Variants in ZDHHC11B observed in about 807,000 individuals in gnomAD.
ZDHHC11B encodes probable palmitoyltransferase ZDHHC11B.
A neutral mutation model predicts 42.3 loss-of-function variants in ZDHHC11B; 17 were observed. The observed-to-expected ratio is 0.40, with a 90% CI of 0.27 to 0.60. ZDHHC11B has a LOEUF of 0.60. ZDHHC11B is among the 20% of genes least tolerant of loss of function. The pLI is 0.41. For missense variants in ZDHHC11B, 262 were observed against 463.2 expected, an observed-to-expected ratio of 0.57 and a Z score of 3.99; for synonymous variants, 123 against 193.5, an observed-to-expected ratio of 0.64 and a Z score of 3.02.
In ZDHHC11B at chr5:766,734, G is replaced by T. The variant is rs754567912; in HGVS notation, c.186C>A (p.Pro62=). 2 of 1,611,798 alleles carry T rather than the reference G, an allele frequency of 1.2e-6. No homozygotes were observed. The highest frequency in any genetic ancestry group is 2.2e-5 in the South Asian group (2 of 90,814). Residue 62 remains proline, a synonymous_variant, in exon 4 of 14, where the codon CCC becomes CCA. Transcript: ENST00000508859. Reference sequence around the variant, plus strand: ...TGTATTTCCACGAGTGAGGCAGGAGGGGAATGAAGATCCTGAAGGTGGCCA... The same window carrying T: ...TGTATTTCCACGAGTGAGGCAGGAGTGGAATGAAGATCCTGAAGGTGGCCA... ...LSLATFRIFI[P]LLPHSWKYIA...
chr5:754,334 A>ACACCTCTCATCT (rs1163211096), intron 6 of ZDHHC11B, among the ~76,000 whole-genome samples: 2 of 120,216 alleles, frequency 1.7e-5, no homozygotes, highest in Non-Finnish European at 3.6e-5. Flanking sequence ...CTCAGGGGAA[A>ACACCTCTCATCT]GACCTCTCAT....
In ZDHHC11B at chr5:729,368, C is replaced by A. The variant is rs185035336; in HGVS notation, c.1058+1066G>T. Among the ~76,000 whole-genome samples the A allele has an allele frequency of 2.5e-3, 380 of 151,298 alleles. 4 individuals are homozygous for A. The highest frequency in any genetic ancestry group is 4.0e-3 in the Non-Finnish European group (268 of 67,750). On this transcript the variant is annotated intron_variant, in intron 12 of 13. Coordinates refer to ENST00000508859, the MANE Select transcript of ZDHHC11B (RefSeq NM_001351303.2). The stretch of plus-strand genomic sequence containing the variant: ...AGGTCCTAGGCCAGGACGGCTGCAG[C>A]TGCTGTGTGCCCAGAGAGCACGGGG...
intron 6 of ZDHHC11B, among the ~76,000 whole-genome samples, chr5:752,990 C>T (rs1745976962): frequency 3.3e-5 from 2 of 61,340 alleles, no homozygotes; most frequent in African/African-American, 1.2e-4. Context: ...CGCGGGGCCT[C>T]CTCTCCCCGC....
intron 7 of ZDHHC11B, among the ~76,000 whole-genome samples, chr5:748,778 G>A (rs1407288844): frequency 7.7e-6 from 1 of 129,440 alleles, no homozygotes; most frequent in African/African-American, 2.5e-5. Context: ...GGATCTGGGA[G>A]GTGACGCTCC....
chr5:761,728 C>T (rs1255357145), intron 4 of ZDHHC11B, among the ~76,000 whole-genome samples: 9 of 151,884 alleles, frequency 5.9e-5, no homozygotes, highest in Non-Finnish European at 1.3e-4. Flanking sequence ...TGGGCACACT[C>T]AGGGCCTCTC....
intron 12 of ZDHHC11B, 53 bp from the exon 13 acceptor site, chr5:716,918 T>G: frequency 6.2e-7 from 1 of 1,610,958 alleles, no homozygotes; most frequent in Middle Eastern, 1.7e-4. Context: ...ATGTAATACT[T>G]GTTATACTGC....
intron 4 of ZDHHC11B, among the ~76,000 whole-genome samples, chr5:762,211 G>T (rs1239355059): frequency 1.3e-5 from 2 of 150,490 alleles, no homozygotes; most frequent in Non-Finnish European, 3.0e-5. Flanking sequence ...TCACAGTCCC[G>T]GCCAGCCACT....
At chr5:747,861 T>A (rs1470204529) in intron 8 of ZDHHC11B, 16 of 205,338 alleles carry the variant, frequency 7.8e-5, no homozygotes, top group Non-Finnish European at 9.5e-6. Flanking sequence ...CAACACAGGT[T>A]TCCTTGGGGC....
In ZDHHC11B at chr5:777,807, A is replaced by G. The variant is rs985907209; in HGVS notation, c.-230+6861T>C. Reference sequence around the variant, plus strand: ...CCCGCAGCAGGCGGAGCTGCCCGCCAGTACTGCGCCACGCGCCCGCACTCC... The same window carrying G: ...CCCGCAGCAGGCGGAGCTGCCCGCCGGTACTGCGCCACGCGCCCGCACTCC... On this transcript the variant is annotated intron_variant, in intron 1 of 13. Transcript: ENST00000508859. Among the ~76,000 whole-genome samples the G allele has an allele frequency of 2.6e-5, 4 of 151,996 alleles. 1 individual carries two copies. The highest frequency in any genetic ancestry group is 1.9e-4 in the East Asian group (1 of 5,194).
chr5:774,434 G>A (rs1274780511), intron 1 of ZDHHC11B, among the ~76,000 whole-genome samples: 1 of 152,182 alleles, frequency 6.6e-6, no homozygotes, highest in African/African-American at 2.4e-5. Context: ...GGGCCAGGGG[G>A]TTCTCACTAG....
rs1180396299 is a variant in ZDHHC11B at position 732,728 on chromosome 5, G to T, written c.1023+1024C>A. On this transcript the variant is annotated intron_variant, in intron 11 of 13. Coordinates refer to ENST00000508859, the MANE Select transcript of ZDHHC11B (RefSeq NM_001351303.2). ...AGAAACTGGCCCCCTCACAAATCCTGCTCAAAAGGACCAGCCTGTGGCCTG... is the reference window on the plus strand; with the variant it reads ...AGAAACTGGCCCCCTCACAAATCCTTCTCAAAAGGACCAGCCTGTGGCCTG... The T allele has an allele frequency of 1.2e-5, 5 of 415,786 alleles. No individual in the cohort carries two copies. The East Asian group carries it at 2.2e-4, about 18-fold the overall frequency. 25.8% of individuals were successfully genotyped at this position (415,786 alleles called of 1,614,324 possible).
intron 1 of ZDHHC11B, among the ~76,000 whole-genome samples, chr5:771,753 C>T (rs1457593626): frequency 2.0e-5 from 3 of 150,820 alleles, no homozygotes; most frequent in South Asian, 2.1e-4. Context: ...GGTGGGCGTG[C>T]GGGTCAGAGA....
chr5:717,404 G>T (rs1456060994), intron 12 of ZDHHC11B, among the ~76,000 whole-genome samples: 1 of 151,750 alleles, frequency 6.6e-6, no homozygotes, highest in African/African-American at 2.4e-5. Context: ...TGACCGTGTT[G>T]CTGCCCAGAC....
intron 1 of ZDHHC11B, among the ~76,000 whole-genome samples, chr5:772,972 G>A (rs576796737): frequency 3.9e-5 from 6 of 152,052 alleles, no homozygotes; most frequent in East Asian, 1.9e-4. Flanking sequence ...AATTAGGCAC[G>A]ATGTGCCGCT....
At chr5:770,885 G>A (rs1476774574) in intron 1 of ZDHHC11B, among the ~76,000 whole-genome samples, 1 of 151,918 alleles carries the variant, frequency 6.6e-6, no homozygotes, top group African/African-American at 2.4e-5. Context: ...AAGATTGAGG[G>A]GTGCCACCCA....
chr5:715,722 C>T (rs1249045911), intron 13 of ZDHHC11B, among the ~76,000 whole-genome samples: 1 of 151,422 alleles, frequency 6.6e-6, no homozygotes, highest in Non-Finnish European at 1.5e-5. Flanking sequence ...TCTGGGCTTT[C>T]AAGGTGATGT....
At chr5:743,166 T>A (rs1264262800) in intron 9 of ZDHHC11B, among the ~76,000 whole-genome samples, 1 of 149,168 alleles carries the variant, frequency 6.7e-6, no homozygotes, top group Non-Finnish European at 1.5e-5. Flanking sequence ...TTAAAGTCAA[T>A]TGACCATAAA....
At chr5:741,785 G>A (rs896096911) in intron 9 of ZDHHC11B, among the ~76,000 whole-genome samples, 157 bp from the exon 10 acceptor site, 1 of 146,876 alleles carries the variant, frequency 6.8e-6, no homozygotes, top group Non-Finnish European at 1.5e-5. Flanking sequence ...ACTTACGTGT[G>A]CACGTGTTTT....
intron 12 of ZDHHC11B, among the ~76,000 whole-genome samples, chr5:721,099 G>T (rs985295280): frequency 6.6e-6 from 1 of 151,456 alleles, no homozygotes; most frequent in Non-Finnish European, 1.5e-5. Flanking sequence ...ACTGAGTCCT[G>T]TCTCAAAAAA....
Sources: allele counts gnomAD v4.1 joint callset (sites outside exome capture counted in the v4.1 genomes callset), GRCh38; gene constraint gnomAD v4.1.1; transcripts MANE v1.5; gene names NCBI Gene and HGNC (gene_info 2026-07-23, HGNC 2026-07-21).